The following RP1 variants were observed in gnomAD, a reference collection of about 807,000 sequenced individuals.
The protein encoded by RP1 is oxygen-regulated protein 1.
In RP1, 16 loss-of-function variants were observed where a neutral mutation model predicts 14.8. The observed-to-expected ratio is 1.08, with a 90% CI of 0.73 to 1.65. The LOEUF is 1.65. Among genes scored for constraint, RP1 ranks in the 40% most tolerant of loss-of-function variants. The pLI is 0.00. For missense variants in RP1, 2,631 were observed against 2,535.0 expected (o/e 1.04, Z -0.81); for synonymous variants, 876 against 883.6 (o/e 0.99, Z 0.15).
At chr8:54,704,840 A>G (rs1195826236) in intron 14 of RP1, among the ~76,000 whole-genome samples, 2 of 151,778 alleles carry the variant, frequency 1.3e-5, no homozygotes, top group Non-Finnish European at 2.9e-5. Flanking sequence ...TAACTATTAC[A>G]TGTATACACA....
chr8:54,741,196 T>G (rs1033176451), intron 19 of RP1, among the ~76,000 whole-genome samples: 1 of 152,142 alleles, frequency 6.6e-6, no homozygotes, highest in African/African-American at 2.4e-5. Context: ...AGAAAAATAT[T>G]TTTTATGAAT....
chr8:54,682,882 G>A (rs947989879), intron 12 of RP1, among the ~76,000 whole-genome samples: 1 of 152,066 alleles, frequency 6.6e-6, no homozygotes, highest in Non-Finnish European at 1.5e-5. Context: ...CCCCACCTGT[G>A]TCCTGAATAG....
At chr8:54,792,944 C>T (rs1341458478) in intron 24 of RP1, among the ~76,000 whole-genome samples, 1 of 151,434 alleles carries the variant, frequency 6.6e-6, no homozygotes, top group Non-Finnish European at 1.5e-5. Flanking sequence ...TCTAGCTAGA[C>T]TAATCGAGAA....
chr8:54,585,831 G>A (rs185527272), intron 1 of RP1, among the ~76,000 whole-genome samples: 97 of 152,208 alleles, frequency 6.4e-4, no homozygotes, highest in Middle Eastern at 3.4e-3. Flanking sequence ...TTCTCGTGCC[G>A]TGGTTTTCAG....
intron 5 of RP1, among the ~76,000 whole-genome samples, chr8:54,655,919 AC>A (rs953658011): frequency 1.3e-5 from 2 of 152,178 alleles, no homozygotes; most frequent in Admixed American, 1.3e-4. Flanking sequence ...ATGCCATTGT[AC>A]CTGAGATGGC....
At chr8:54,612,236 A>G (rs1585550489), upstream of RP1, among the ~76,000 whole-genome samples, 2 of 152,324 alleles carry the variant, frequency 1.3e-5, no homozygotes, top group African/African-American at 4.8e-5. Context: ...CTCTGCAATC[A>G]GAAGCAGAAA....
At chr8:54,865,229 T>C (rs984679533) in intron 27 of RP1, among the ~76,000 whole-genome samples, 3 of 152,052 alleles carry the variant, frequency 2.0e-5, no homozygotes, top group African/African-American at 7.2e-5. Context: ...CTTAATTCTA[T>C]ATTCTGTGAT....
At chr8:54,710,711 A>C (rs1808275983) in intron 15 of RP1, among the ~76,000 whole-genome samples, 1 of 152,172 alleles carries the variant, frequency 6.6e-6, no homozygotes, top group Non-Finnish European at 1.5e-5. Flanking sequence ...TCTACCCTGA[A>C]GTTAAGCCAC....
chr8:54,655,330 C>G lies in RP1; in HGVS notation c.1039-753C>G, dbSNP rs1348668353. Among the ~76,000 whole-genome samples the G allele has an allele frequency of 3.3e-5, 5 of 152,312 alleles. No homozygotes were observed. In the South Asian group the frequency reaches 6.2e-4, roughly 19 times the overall value. ...TGTAAAAGAATAATAGTACTCTATT[C>G]AGAAAAGGCTAGACTTTAGTATCAG... is the stretch of plus-strand genomic sequence containing the variant. On this transcript the variant is annotated intron_variant, in intron 5 of 22. Transcript: ENST00000636932.
intron 4 of RP1, among the ~76,000 whole-genome samples, chr8:54,651,009 A>T (rs1048582779): frequency 6.6e-6 from 1 of 151,636 alleles, no homozygotes; most frequent in Non-Finnish European, 1.5e-5. Context: ...ATTTTGTCAA[A>T]TGTGCATGTG....
At chr8:54,673,823 C>A (rs183727338) in intron 7 of RP1, 2 of 1,494,468 alleles carry the variant, frequency 1.3e-6, no homozygotes, top group Non-Finnish European at 1.8e-6. Context: ...TAGTCTAGAT[C>A]TAATTATACT....
At chr8:54,709,947 G>A (rs2129346278) in intron 15 of RP1, among the ~76,000 whole-genome samples, 1 of 152,272 alleles carries the variant, frequency 6.6e-6, no homozygotes, top group African/African-American at 2.4e-5. Context: ...TTCAGGACAA[G>A]CAAGGAGCAA....
chr8:54,666,154 C>A (rs746896591), intron 7 of RP1, among the ~76,000 whole-genome samples: 10 of 151,958 alleles, frequency 6.6e-5, no homozygotes, highest in Non-Finnish European at 1.0e-4. Flanking sequence ...GGCTTTATTG[C>A]CGGAGCCAGC....
chr8:54,614,719 G>A (rs1218071791), upstream of RP1, among the ~76,000 whole-genome samples: 2 of 152,146 alleles, frequency 1.3e-5, no homozygotes, highest in Non-Finnish European at 2.9e-5. Context: ...TGTAAGAAAT[G>A]TTATCTTTCC....
chr8:54,726,078 G>A (rs1212370777), intron 16 of RP1, among the ~76,000 whole-genome samples: 1 of 152,148 alleles, frequency 6.6e-6, no homozygotes, highest in African/African-American at 2.4e-5. Flanking sequence ...TGAATAAGTT[G>A]TTTGATTCAT....
chr8:54,641,818 C>T (rs1806459534), intron 3 of RP1, among the ~76,000 whole-genome samples: 1 of 152,152 alleles, frequency 6.6e-6, no homozygotes, highest in African/African-American at 2.4e-5. Context: ...TCCTAAAGGC[C>T]ATGTGAGGAA....
chr8:54,573,288 CA>C (rs1804569837), intron 1 of RP1, among the ~76,000 whole-genome samples: 1 of 150,066 alleles, frequency 6.7e-6, no homozygotes. Context: ...CAAACAGAAC[CA>C]AGGTGTAAAG....
intron 3 of RP1, among the ~76,000 whole-genome samples, chr8:54,645,181 TA>T (rs1806520265): frequency 6.6e-6 from 1 of 152,180 alleles, no homozygotes; most frequent in African/African-American, 2.4e-5. Flanking sequence ...CTATTGTGAG[TA>T]AAACTACAAT....
chr8:54,756,069 GCT>G (rs1304924635), intron 21 of RP1, among the ~76,000 whole-genome samples: 1 of 152,162 alleles, frequency 6.6e-6, no homozygotes, highest in Non-Finnish European at 1.5e-5. Flanking sequence ...TTATGAATGT[GCT>G]CTCTCAGGCT....
Sources: gnomAD v4.1 joint callset for allele counts (sites outside exome capture counted in the v4.1 genomes callset) on GRCh38, gnomAD v4.1.1 for gene constraint, MANE v1.5 for transcripts, NCBI Gene and HGNC (gene_info 2026-07-23, HGNC 2026-07-21) for gene names.